The following MYOCOS variants were observed in gnomAD, a reference collection of about 807,000 sequenced individuals.
The protein encoded by MYOCOS is myocilin opposite strand protein.
At chr1:171,612,253 A>G (rs1401183551) in intron 1 of MYOCOS, among the ~76,000 whole-genome samples, 1 of 151,404 alleles carries the variant, frequency 6.6e-6, no homozygotes, top group Non-Finnish European at 1.5e-5. Flanking sequence ...TAATTTTTGT[A>G]TTTTTAGTAG....
At position 171,614,092 on chromosome 1, in the gene MYOCOS, C is replaced by T. The variant is rs1011996936; in HGVS notation, c.-251-706C>T. Among the ~76,000 whole-genome samples, 9 of 152,326 alleles carry T rather than the reference C, an allele frequency of 5.9e-5. No individual in the cohort carries two copies. In the South Asian group the frequency reaches 1.9e-3, roughly 32 times the overall value. ...TTATTCCCTTCCAACAGTATCCCCT[C>T]CCAATTCAACACCAGGCAAAAATTT... On this transcript the variant is annotated intron_variant, in intron 1 of 3. Transcript: ENST00000636697.
exon 2 of MYOCOS, chr1:171,614,935 G>A (rs1451505014): frequency 6.6e-6 from 1 of 152,208 alleles, no homozygotes; most frequent in Non-Finnish European, 1.5e-5. Flanking sequence ...GACCTGACCT[G>A]AAGGGAGAAT....
intron 1 of MYOCOS, among the ~76,000 whole-genome samples, chr1:171,603,469 A>C (rs990231946): frequency 6.6e-6 from 1 of 152,250 alleles, no homozygotes; most frequent in African/African-American, 2.4e-5. Flanking sequence ...ATCTATTTAG[A>C]TGCAATTGGA....
chr1:171,612,733 G>A (rs1312622945), intron 1 of MYOCOS, among the ~76,000 whole-genome samples: 4 of 152,142 alleles, frequency 2.6e-5, no homozygotes, highest in Non-Finnish European at 5.9e-5. Flanking sequence ...GGGAGGCTGA[G>A]GCAGGAGAAT....
upstream of MYOCOS, among the ~76,000 whole-genome samples, chr1:171,620,079 A>G (rs568572112): frequency 6.8e-6 from 1 of 147,778 alleles, no homozygotes; most frequent in East Asian, 2.0e-4. Flanking sequence ...ATATATATAT[A>G]TATATATAAC....
At position 171,605,451 on chromosome 1, in the gene MYOCOS, C is replaced by T. The variant is rs1652228230; in HGVS notation, c.-252+4371C>T. Among the ~76,000 whole-genome samples, 6 of 150,836 alleles carry T rather than the reference C, an allele frequency of 4.0e-5. No homozygotes were observed. In the South Asian group the frequency reaches 1.3e-3, roughly 32 times the overall value. On this transcript the variant is annotated intron_variant, in intron 1 of 3. Coordinates refer to the MYOCOS transcript ENST00000636697. ...CCAGTTACACAGAAAGAGATCCATTCAGTAAATTTCCAAAGTTGCAGACTG... is the reference window on the plus strand; with the variant it reads ...CCAGTTACACAGAAAGAGATCCATTTAGTAAATTTCCAAAGTTGCAGACTG...
upstream of MYOCOS, among the ~76,000 whole-genome samples, chr1:171,620,617 C>G (rs1490632497): frequency 6.6e-6 from 1 of 152,054 alleles, no homozygotes; most frequent in African/African-American, 2.4e-5. Flanking sequence ...TTAACCTGAA[C>G]ATTCCCTTTC....
At chr1:171,625,240 C>A (rs147437880) in intron 2 of MYOCOS, among the ~76,000 whole-genome samples, 1 of 152,162 alleles carries the variant, frequency 6.6e-6, no homozygotes, top group Admixed American at 6.5e-5. Context: ...CATCCAAGGA[C>A]GAGATGGCAT....
intron 1 of MYOCOS, among the ~76,000 whole-genome samples, chr1:171,611,307 G>T (rs1381654447): frequency 1.3e-5 from 2 of 152,118 alleles, no homozygotes; most frequent in African/African-American, 4.8e-5. Context: ...TAATATGGGG[G>T]TCTGGGCTAC....
At chr1:171,605,391 ACAC>A (rs1558078545) in intron 1 of MYOCOS, among the ~76,000 whole-genome samples, 12 of 126,604 alleles carry the variant, frequency 9.5e-5, no homozygotes, top group African/African-American at 5.8e-4. Context: ...ACACACACAC[ACAC>A]AAAAAAAAAA....
intron 1 of MYOCOS, among the ~76,000 whole-genome samples, chr1:171,608,758 A>G (rs1023431767): frequency 1.3e-5 from 2 of 152,014 alleles, no homozygotes; most frequent in African/African-American, 4.8e-5. Flanking sequence ...TTGTCCAGTT[A>G]TTGCCCAAGG....
intron 1 of MYOCOS, chr1:171,604,328 A>T (rs1218769151): frequency 5.3e-5 from 8 of 152,180 alleles, no homozygotes; most frequent in Admixed American, 4.6e-4. Flanking sequence ...ACTTCAACTG[A>T]CCTTCCTCAG....
intron 1 of MYOCOS, among the ~76,000 whole-genome samples, chr1:171,622,702 T>C (rs1652600301): frequency 6.6e-6 from 1 of 152,152 alleles, no homozygotes; most frequent in African/African-American, 2.4e-5. Context: ...ACCACGTGAG[T>C]GTGACCTGGT....
In MYOCOS at chr1:171,602,167, G is replaced by GA. The variant is rs199800664; in HGVS notation, c.-252+1094dup. 5.3e-5 allele frequency among the ~76,000 whole-genome samples: 8 copies of GA among 152,042 alleles called. No individual in the cohort carries two copies. The East Asian group carries it at 1.5e-3, about 29-fold the overall frequency. On this transcript the variant is annotated intron_variant, in intron 1 of 3. Transcript: ENST00000636697. ...GAAATAAATTAACTGCTTGTTTAAA[G>GA]AAAAAAATCTTTGTAATAAGTCAGA...
chr1:171,618,946 A>G (rs185007304), upstream of MYOCOS, among the ~76,000 whole-genome samples: 22 of 152,260 alleles, frequency 1.4e-4, no homozygotes, highest in Admixed American at 4.6e-4. Context: ...GAGTATCCTC[A>G]CAACCAGCCC....
At chr1:171,618,944 T>C (rs1237745033), upstream of MYOCOS, among the ~76,000 whole-genome samples, 1 of 152,166 alleles carries the variant, frequency 6.6e-6, no homozygotes, top group Non-Finnish European at 1.5e-5. Context: ...ATGAGTATCC[T>C]CACAACCAGC....
intron 1 of MYOCOS, among the ~76,000 whole-genome samples, chr1:171,609,397 T>C (rs1652314074): frequency 1.3e-5 from 2 of 152,146 alleles, no homozygotes; most frequent in Admixed American, 6.5e-5. Flanking sequence ...AGTGACTAGG[T>C]GGAAGCTATA....
chr1:171,623,202 G>A (rs763223), intron 1 of MYOCOS, among the ~76,000 whole-genome samples: 67,021 of 151,080 alleles, frequency 0.44, 14,879 homozygotes, highest in Non-Finnish European at 0.48. Flanking sequence ...GTTTCAAAAA[G>A]AAAAGGGGGT....
chr1:171,616,404 G>A (rs192441676), intron 2 of MYOCOS, among the ~76,000 whole-genome samples: 9 of 152,256 alleles, frequency 5.9e-5, no homozygotes, highest in African/African-American at 1.7e-4. Context: ...GCCCAGTGTG[G>A]TGGTGCACAC....
Sources: gnomAD v4.1 joint callset for allele counts (sites outside exome capture counted in the v4.1 genomes callset) on GRCh38, gnomAD v4.1.1 for gene constraint, MANE v1.5 for transcripts, NCBI Gene and HGNC (gene_info 2026-07-23, HGNC 2026-07-21) for gene names.